Variants in DPYS observed in about 807,000 individuals in gnomAD.
DPYS encodes the protein dihydropyrimidine amidohydrolase.
In DPYS, 39 loss-of-function variants were observed where a neutral mutation model predicts 50.3. The observed-to-expected ratio is 0.78, with a 90% CI of 0.60 to 1.01. The LOEUF (loss-of-function observed/expected upper bound fraction) is 1.01. Ranked by LOEUF, DPYS falls within the 50% of genes least tolerant of loss-of-function variation. The pLI is 0.00. For missense variants in DPYS, 659 were observed against 680.9 expected, an observed-to-expected ratio of 0.97 and a Z score of 0.36; for synonymous variants, 245 against 250.7, an observed-to-expected ratio of 0.98 and a Z score of 0.22.
At chr8:104,440,877 T>C (rs1450103397) in intron 4 of DPYS, among the ~76,000 whole-genome samples, 2 of 152,252 alleles carry the variant, frequency 1.3e-5, no homozygotes, top group Admixed American at 1.3e-4. Context: ...TACATCTATC[T>C]TGCTCTTTTA....
chr8:104,432,362 G>A (rs1351980175), intron 4 of DPYS, among the ~76,000 whole-genome samples: 1 of 152,174 alleles, frequency 6.6e-6, no homozygotes, highest in Non-Finnish European at 1.5e-5. Context: ...CCATTTATTA[G>A]ATGACGGTGA....
chr8:104,452,811 A>G (rs1422953574), intron 1 of DPYS, among the ~76,000 whole-genome samples: 1 of 152,238 alleles, frequency 6.6e-6, no homozygotes, highest in African/African-American at 2.4e-5. Context: ...ACTGCATGCC[A>G]GCCTGGGCAA....
chr8:104,461,771 T>A (rs559317688), intron 1 of DPYS, among the ~76,000 whole-genome samples: 3 of 152,130 alleles, frequency 2.0e-5, no homozygotes, highest in African/African-American at 7.2e-5. Context: ...TTAAGGAATA[T>A]GCAGGCTGGA....
intron 4 of DPYS, among the ~76,000 whole-genome samples, chr8:104,440,641 C>T (rs1564105337): frequency 1.3e-5 from 2 of 152,082 alleles, no homozygotes; most frequent in African/African-American, 2.4e-5. Context: ...AGCCTGTAAT[C>T]CCAGCTACTC....
intron 7 of DPYS, among the ~76,000 whole-genome samples, chr8:104,423,466 C>T (rs770487593): frequency 6.6e-6 from 1 of 152,136 alleles, no homozygotes; most frequent in Non-Finnish European, 1.5e-5. Flanking sequence ...CCCAAGAAAC[C>T]GTAGACTTTT....
chr8:104,381,062 T>C, intron 9 of DPYS, 122 bp downstream of exon 9: 4 of 830,680 alleles, frequency 4.8e-6, no homozygotes, highest in South Asian at 2.8e-5. Context: ...CTTGGCTCAA[T>C]TGTCCTTGAG....
chr8:104,418,387 A>C (rs1414713243), intron 7 of DPYS, among the ~76,000 whole-genome samples: 3 of 152,236 alleles, frequency 2.0e-5, no homozygotes, highest in Non-Finnish European at 4.4e-5. Context: ...TTTAATGTTA[A>C]AATCAGGCAC....
chr8:104,406,419 A>G (rs1245511712), intron 7 of DPYS, among the ~76,000 whole-genome samples: 1 of 152,172 alleles, frequency 6.6e-6, no homozygotes, highest in Non-Finnish European at 1.5e-5. Flanking sequence ...CTCATCTCGT[A>G]GTGTGAGAAT....
At chr8:104,444,614 T>C (rs550546391) in intron 3 of DPYS, among the ~76,000 whole-genome samples, 177 bp from the exon 4 acceptor site, 48 of 152,258 alleles carry the variant, frequency 3.2e-4, no homozygotes, top group African/African-American at 8.7e-4. Flanking sequence ...CTATAACACA[T>C]ATATATATAA....
intron 2 of DPYS, among the ~76,000 whole-genome samples, chr8:104,448,584 C>T (rs1034061593): frequency 2.0e-5 from 3 of 152,098 alleles, no homozygotes; most frequent in African/African-American, 7.2e-5. Context: ...CACACCCACC[C>T]ACCCACACAT....
At chr8:104,440,674 G>A (rs1481759135) in intron 4 of DPYS, among the ~76,000 whole-genome samples, 2 of 151,890 alleles carry the variant, frequency 1.3e-5, no homozygotes, top group African/African-American at 2.4e-5. Context: ...CAGGAGAAGC[G>A]CTTGAACCCA....
chr8:104,462,953 T>C (rs1814222704), intron 1 of DPYS, among the ~76,000 whole-genome samples: 1 of 152,258 alleles, frequency 6.6e-6, no homozygotes, highest in Non-Finnish European at 1.5e-5. Context: ...TTATAGGCTT[T>C]AAACCAATCT....
At chr8:104,398,270 C>T (rs371931613) in intron 7 of DPYS, among the ~76,000 whole-genome samples, 10 of 152,204 alleles carry the variant, frequency 6.6e-5, no homozygotes, top group African/African-American at 2.4e-4. Flanking sequence ...AGAGATGGGT[C>T]AATCCTGGGT....
chr8:104,380,320 C>A (rs192467589), intron 9 of DPYS, among the ~76,000 whole-genome samples: 1 of 152,294 alleles, frequency 6.6e-6, no homozygotes, highest in Non-Finnish European at 1.5e-5. Flanking sequence ...AATGTCTAAC[C>A]AGGTCCATTA....
chr8:104,384,018 C>A (rs1051960401), intron 8 of DPYS, among the ~76,000 whole-genome samples: 1 of 152,160 alleles, frequency 6.6e-6, no homozygotes, highest in Admixed American at 6.5e-5. Flanking sequence ...ATGTCTCTGA[C>A]CCGACTGGCT....
intron 4 of DPYS, among the ~76,000 whole-genome samples, chr8:104,436,943 C>T (rs935216315): frequency 6.6e-5 from 10 of 151,646 alleles, no homozygotes; most frequent in Admixed American, 2.0e-4. Flanking sequence ...AAAAAAAGAG[C>T]GCTTAGAGAA....
chr8:104,400,735 G>A (rs768978839), intron 7 of DPYS, among the ~76,000 whole-genome samples: 2 of 152,214 alleles, frequency 1.3e-5, no homozygotes, highest in African/African-American at 4.8e-5. Flanking sequence ...TTGCTGCAGA[G>A]GGGTGTCAAG....
chr8:104,416,681 G>A (rs1390014456), intron 7 of DPYS, among the ~76,000 whole-genome samples: 2 of 152,090 alleles, frequency 1.3e-5, no homozygotes, highest in South Asian at 2.1e-4. Context: ...GTGTGTGCAC[G>A]CTTTCTTTGA....
intron 6 of DPYS, 123 bp from the exon 7 acceptor site, chr8:104,424,512 C>G (rs1041922971): frequency 9.9e-7 from 1 of 1,014,014 alleles, no homozygotes; most frequent in East Asian, 2.6e-5. Flanking sequence ...TATTGTAGAG[C>G]ATCTGAGGAT....
Sources: gnomAD v4.1 joint callset for allele counts (sites outside exome capture counted in the v4.1 genomes callset) on GRCh38, gnomAD v4.1.1 for gene constraint, MANE v1.5 for transcripts, NCBI Gene and HGNC (gene_info 2026-07-23, HGNC 2026-07-21) for gene names.